Variants in IGSF11 observed in about 807,000 individuals in gnomAD.
The protein encoded by IGSF11 is CXADR like 1.
In IGSF11, 22 loss-of-function variants were observed where a neutral mutation model predicts 41.0. That is an observed-to-expected ratio of 0.54 (90% CI 0.38 to 0.77). The LOEUF is 0.77. IGSF11 is among the 30% of genes least tolerant of loss of function. The probability of loss-of-function intolerance (pLI) is 0.00; values close to 1 mark genes in which losing one functional copy is unlikely to be tolerated. For missense variants in IGSF11, 444 were observed against 530.8 expected, an observed-to-expected ratio of 0.84 and a Z score of 1.61; for synonymous variants, 219 against 201.3, an observed-to-expected ratio of 1.09 and a Z score of -0.74.
chr3:118,956,237 A>G (rs1449062430), intron 1 of IGSF11, among the ~76,000 whole-genome samples: 1 of 152,196 alleles, frequency 6.6e-6, no homozygotes, highest in Non-Finnish European at 1.5e-5. Context: ...CAGACCATCA[A>G]AACTTTCTCC....
chr3:118,932,064 T>C (rs1477900541), intron 1 of IGSF11, among the ~76,000 whole-genome samples: 1 of 152,072 alleles, frequency 6.6e-6, no homozygotes, highest in Non-Finnish European at 1.5e-5. Flanking sequence ...TTCAAAGGAG[T>C]AATTTTATGG....
At chr3:118,906,138 T>C (rs957362673) in intron 4 of IGSF11, among the ~76,000 whole-genome samples, 1 of 152,206 alleles carries the variant, frequency 6.6e-6, no homozygotes, top group African/African-American at 2.4e-5. Context: ...AAATATCAAA[T>C]CTGTGCTCTA....
At chr3:119,004,706 T>C (rs1241292727) in intron 1 of IGSF11, among the ~76,000 whole-genome samples, 1 of 148,420 alleles carries the variant, frequency 6.7e-6, no homozygotes, top group African/African-American at 2.5e-5. Flanking sequence ...ATTTCTGCCT[T>C]CATTTCGTTA....
Position 119,076,987 on chromosome 3 carries a change from C to A in IGSF11, c.49+28157G>T, listed in dbSNP as rs142445640. Among the ~76,000 whole-genome samples, 710 of 152,230 alleles carry A rather than the reference C, an allele frequency of 4.7e-3. 13 individuals carry two copies. Among genetic ancestry groups the A allele is most frequent in the African/African-American group, 0.016 (680 of 41,520 alleles). The stretch of plus-strand genomic sequence containing the variant: ...ATGCACACGCATGTTTATTGTGGCA[C>A]TATTCACAATAGCAAAGACTTGGAA... On this transcript the variant is annotated intron_variant, in intron 1 of 6. Coordinates refer to the IGSF11 transcript ENST00000354673.
intron 1 of IGSF11, among the ~76,000 whole-genome samples, chr3:118,954,676 G>A (rs920277482): frequency 6.6e-5 from 10 of 152,092 alleles, no homozygotes; most frequent in African/African-American, 2.2e-4. Context: ...GCCAAATTGT[G>A]AATGAAAAGG....
chr3:118,935,725 C>T (rs1361813543), intron 1 of IGSF11, among the ~76,000 whole-genome samples: 3 of 151,976 alleles, frequency 2.0e-5, no homozygotes, highest in East Asian at 1.9e-4. Flanking sequence ...CAAGAGGGCT[C>T]GCTGATGGGA....
At chr3:119,122,006 G>A (rs1171113535) in intron 1 of IGSF11, among the ~76,000 whole-genome samples, 1 of 152,186 alleles carries the variant, frequency 6.6e-6, no homozygotes, top group Non-Finnish European at 1.5e-5. Context: ...AGATGGTGGA[G>A]TAGAAGGTTG....
intron 1 of IGSF11, among the ~76,000 whole-genome samples, chr3:119,068,371 G>A (rs1033246847): frequency 1.4e-4 from 21 of 152,174 alleles, no homozygotes; most frequent in African/African-American, 5.1e-4. Context: ...TCATAGCAAA[G>A]AAAAAGAGAA....
chr3:119,043,325 C>T (rs1941195260), intron 1 of IGSF11, among the ~76,000 whole-genome samples: 1 of 152,144 alleles, frequency 6.6e-6, no homozygotes, highest in African/African-American at 2.4e-5. Context: ...TTGTTTTTGC[C>T]TAATTGGCAT....
At chr3:118,948,535 A>C (rs1035379437) in intron 1 of IGSF11, among the ~76,000 whole-genome samples, 1 of 152,200 alleles carries the variant, frequency 6.6e-6, no homozygotes, top group Admixed American at 6.5e-5. Flanking sequence ...GGGTCTGGTA[A>C]ACAGGGTGGT....
rs10662902 is a variant in IGSF11 at position 119,029,237 on chromosome 3, T to TACACACACACAC, written c.52+5282_52+5293dup. On this transcript the variant is annotated intron_variant, in intron 1 of 6. Transcript: ENST00000393775. ...TAGACATGGTACTGCCTTTTGGGAA[T>TACACACACACAC]ACACACACACACACACACACACACA... 1.7e-3 allele frequency among the ~76,000 whole-genome samples: 215 copies of TACACACACACAC among 123,198 alleles called. 1 individual carries two copies. Among genetic ancestry groups the TACACACACACAC allele is most frequent in the Non-Finnish European group, 2.4e-3 (136 of 56,780 alleles). 80.8% of individuals were successfully genotyped at this position (123,198 alleles called of 152,430 possible). A position where few individuals can be genotyped will look rare whatever the true frequency, so the allele number is the denominator to read the frequency against.
intron 4 of IGSF11, among the ~76,000 whole-genome samples, chr3:118,906,999 G>A (rs1939684360): frequency 6.6e-6 from 1 of 152,196 alleles, no homozygotes; most frequent in African/African-American, 2.4e-5. Context: ...ATGCAGGAAA[G>A]AGAATACATT....
intron 1 of IGSF11, among the ~76,000 whole-genome samples, chr3:118,952,069 G>A (rs763815980): frequency 1.3e-5 from 2 of 152,012 alleles, no homozygotes; most frequent in African/African-American, 2.4e-5. Flanking sequence ...GTGCATATAA[G>A]TTGTATTTAC....
chr3:119,001,204 T>C (rs1936799186), intron 1 of IGSF11, among the ~76,000 whole-genome samples: 1 of 150,192 alleles, frequency 6.7e-6, no homozygotes, highest in African/African-American at 2.4e-5. Flanking sequence ...TAAATTATAA[T>C]AATCCCTTTC....
chr3:119,136,276 C>A (rs752961961), intron 1 of IGSF11, among the ~76,000 whole-genome samples: 21 of 151,842 alleles, frequency 1.4e-4, no homozygotes, highest in Non-Finnish European at 2.4e-4. Flanking sequence ...ACAAAACAAC[C>A]AGAAAATAAA....
upstream of IGSF11, among the ~76,000 whole-genome samples, chr3:119,110,013 T>C (rs1384272646): frequency 2.0e-5 from 3 of 152,198 alleles, no homozygotes; most frequent in African/African-American, 7.2e-5. Context: ...CTTCCAACTA[T>C]GTGGTCAATT....
intron 1 of IGSF11, among the ~76,000 whole-genome samples, chr3:119,117,854 A>C (rs2077279636): frequency 6.6e-6 from 1 of 152,236 alleles, no homozygotes; most frequent in Admixed American, 6.5e-5. Context: ...TGGCTAAAAC[A>C]AAGGGGCTAT....
intron 1 of IGSF11, among the ~76,000 whole-genome samples, chr3:119,097,046 G>C (rs1297451768): frequency 1.3e-5 from 2 of 151,694 alleles, no homozygotes; most frequent in Non-Finnish European, 2.9e-5. Context: ...TATTACACTG[G>C]ATCCACCTAG....
chr3:119,143,812 A>G (rs1227269743), intron 1 of IGSF11, among the ~76,000 whole-genome samples: 2 of 152,226 alleles, frequency 1.3e-5, no homozygotes, highest in Admixed American at 6.5e-5. Flanking sequence ...TGGAGCTGCT[A>G]TACTATTATC....
Sources: allele counts gnomAD v4.1 joint callset (sites outside exome capture counted in the v4.1 genomes callset), GRCh38; gene constraint gnomAD v4.1.1; transcripts MANE v1.5; gene names NCBI Gene and HGNC (gene_info 2026-07-23, HGNC 2026-07-21).